The following ARMC8 variants were observed in gnomAD, a reference collection of about 807,000 sequenced individuals.
ARMC8 encodes the protein armadillo repeat containing 8, also known as armadillo repeat-containing protein 8.
ARMC8 carries 20 observed loss-of-function variants against 99.3 expected under a neutral mutation model. The observed-to-expected ratio is 0.20, with a 90% CI of 0.14 to 0.29. The LOEUF (loss-of-function observed/expected upper bound fraction) is 0.29, where lower values mean the gene tolerates loss of function less well. ARMC8 is among the 10% of genes least tolerant of loss of function. ARMC8 has a pLI of 1.00. For missense variants in ARMC8, 569 were observed against 809.5 expected, an observed-to-expected ratio of 0.70 and a Z score of 3.60; for synonymous variants, 263 against 278.3, an observed-to-expected ratio of 0.95 and a Z score of 0.55.
At chr3:138,203,404 A>C (rs1453893522) in intron 1 of ARMC8, among the ~76,000 whole-genome samples, 1 of 152,220 alleles carries the variant, frequency 6.6e-6, no homozygotes, top group Non-Finnish European at 1.5e-5. Flanking sequence ...ATGTGGTTGC[A>C]GTGAGGGTGT....
At chr3:138,287,928 A>G (rs1039552167) in intron 19 of ARMC8, 1 of 223,942 alleles carries the variant, frequency 4.5e-6, no homozygotes, top group Admixed American at 5.2e-5. Flanking sequence ...TTTTTCATTC[A>G]GGCGAAAACA....
intron 12 of ARMC8, among the ~76,000 whole-genome samples, chr3:138,250,379 G>A (rs912773717): frequency 2.0e-5 from 3 of 151,998 alleles, no homozygotes; most frequent in African/African-American, 7.2e-5. Flanking sequence ...AACATTGAAG[G>A]TGTAAATAAG....
chr3:138,278,888 G>A (rs1365001267), intron 18 of ARMC8, among the ~76,000 whole-genome samples: 1 of 152,104 alleles, frequency 6.6e-6, no homozygotes, highest in Non-Finnish European at 1.5e-5. Flanking sequence ...TCGTATGTCA[G>A]TCTTGTATCC....
intron 18 of ARMC8, among the ~76,000 whole-genome samples, chr3:138,280,364 C>A (rs1367187479): frequency 1.3e-5 from 2 of 151,984 alleles, no homozygotes; most frequent in Non-Finnish European, 2.9e-5. Context: ...GTTGCCCAGG[C>A]TGGAGTGCAG....
intron 6 of ARMC8, among the ~76,000 whole-genome samples, chr3:138,234,652 GGCAAT>G (rs2046239573): frequency 6.6e-6 from 1 of 152,086 alleles, no homozygotes; most frequent in Non-Finnish European, 1.5e-5. Context: ...GTGGGCATAG[GGCAAT>G]AATGTGCACA....
At chr3:138,277,316 A>G (rs2049393637) in intron 18 of ARMC8, among the ~76,000 whole-genome samples, 1 of 152,244 alleles carries the variant, frequency 6.6e-6, no homozygotes, top group Admixed American at 6.5e-5. Flanking sequence ...GAGAAAATGC[A>G]GGAGAAAATC....
At chr3:138,229,414 G>T (rs1208253881) in intron 6 of ARMC8, among the ~76,000 whole-genome samples, 1 of 146,698 alleles carries the variant, frequency 6.8e-6, no homozygotes, top group African/African-American at 2.5e-5. Flanking sequence ...GGAGCATTTA[G>T]TTTGTTTCCA....
intron 1 of ARMC8, 102 bp downstream of exon 1, chr3:138,187,701 G>A: frequency 7.7e-7 from 1 of 1,299,634 alleles, no homozygotes; most frequent in Non-Finnish European, 1.1e-6. Context: ...CCACCCCCTG[G>A]GGTGGACCCC....
chr3:138,200,759 A>G (rs894995009), intron 1 of ARMC8, among the ~76,000 whole-genome samples: 6 of 152,152 alleles, frequency 3.9e-5, no homozygotes, highest in African/African-American at 7.2e-5. Flanking sequence ...GACAGTGTAT[A>G]GTATAAGCAC....
At chr3:138,225,652 A>G (rs1303795968) in intron 5 of ARMC8, among the ~76,000 whole-genome samples, 4 of 152,238 alleles carry the variant, frequency 2.6e-5, no homozygotes, top group African/African-American at 9.6e-5. Flanking sequence ...TGTTCCACAG[A>G]TGTAATGCCC....
intron 7 of ARMC8, 136 bp downstream of exon 7, chr3:138,235,250 AT>A: frequency 1.7e-6 from 1 of 595,048 alleles, no homozygotes; most frequent in Non-Finnish European, 2.9e-6. Flanking sequence ...ATAGGGCATC[AT>A]TTTAGCTATA....
At chr3:138,214,635 C>A (rs754292730) in intron 2 of ARMC8, among the ~76,000 whole-genome samples, 14 of 152,112 alleles carry the variant, frequency 9.2e-5, no homozygotes, top group African/African-American at 4.8e-5. Flanking sequence ...TAAAAAATTT[C>A]TTCTCCTAAT....
chr3:138,223,311 C>T, intron 3 of ARMC8, 78 bp from the exon 4 acceptor site: 2 of 1,359,236 alleles, frequency 1.5e-6, no homozygotes, highest in African/African-American at 1.5e-5. Flanking sequence ...AGTATGTGGA[C>T]TGCACAGCCT....
At chr3:138,268,251 A>C (rs1180378864) in intron 15 of ARMC8, among the ~76,000 whole-genome samples, 2 of 152,060 alleles carry the variant, frequency 1.3e-5, no homozygotes, top group African/African-American at 4.8e-5. Context: ...TAAAAAATAA[A>C]ACAAAACAAA....
At chr3:138,191,803 T>G (rs2107943424) in intron 1 of ARMC8, among the ~76,000 whole-genome samples, 1 of 152,358 alleles carries the variant, frequency 6.6e-6, no homozygotes, top group East Asian at 1.9e-4. Context: ...TATAATGCTT[T>G]TGAGATCTAT....
chr3:138,252,797 T>A (rs1372034166), intron 12 of ARMC8, among the ~76,000 whole-genome samples: 1 of 119,608 alleles, frequency 8.4e-6, no homozygotes, highest in East Asian at 2.6e-4. Flanking sequence ...TAAACCAGTT[T>A]GGCGAAATAC....
At chr3:138,224,802 G>T (rs1296488586) in intron 5 of ARMC8, among the ~76,000 whole-genome samples, 9 of 152,158 alleles carry the variant, frequency 5.9e-5, no homozygotes, top group Non-Finnish European at 1.2e-4. Flanking sequence ...AAGTATTTGA[G>T]TTCTTTCTTA....
At chr3:138,253,834 C>T (rs993949325) in intron 12 of ARMC8, among the ~76,000 whole-genome samples, 10 of 152,180 alleles carry the variant, frequency 6.6e-5, no homozygotes, top group African/African-American at 2.2e-4. Context: ...TCCAGAGCCT[C>T]ATGTGTGTAA....
At chr3:138,225,295 G>A (rs1576671177) in intron 5 of ARMC8, among the ~76,000 whole-genome samples, 1 of 152,204 alleles carries the variant, frequency 6.6e-6, no homozygotes, top group African/African-American at 2.4e-5. Flanking sequence ...GGTTTTAGTA[G>A]AGACGGGGTT....
Sources: gnomAD v4.1 joint callset for allele counts (sites outside exome capture counted in the v4.1 genomes callset) on GRCh38, gnomAD v4.1.1 for gene constraint, MANE v1.5 for transcripts, NCBI Gene and HGNC (gene_info 2026-07-23, HGNC 2026-07-21) for gene names.